The following ESR1 variants were observed in gnomAD, a reference collection of about 807,000 sequenced individuals.
ESR1 encodes the protein estrogen receptor.
A neutral mutation model predicts 52.7 loss-of-function variants in ESR1; 12 were observed. The ratio of observed to expected loss-of-function variants is 0.23; its 90% CI spans 0.15 to 0.37. The LOEUF (loss-of-function observed/expected upper bound fraction) is 0.37. ESR1 is among the 10% of genes least tolerant of loss of function. The pLI, the probability that ESR1 is intolerant of heterozygous loss-of-function variation, is 1.00. For missense variants in ESR1, 584 were observed against 779.7 expected (o/e 0.75, Z 2.99); for synonymous variants, 305 against 316.8 (o/e 0.96, Z 0.39).
chr6:151,899,299 G>A (rs1177776212), intron 3 of ESR1, among the ~76,000 whole-genome samples: 22 of 130,618 alleles, frequency 1.7e-4, no homozygotes, highest in Admixed American at 2.9e-4. Flanking sequence ...CCGGGCGGGG[G>A]GCTGACCCCC....
intron 3 of ESR1, among the ~76,000 whole-genome samples, chr6:151,924,608 C>T (rs946503637): frequency 6.6e-5 from 10 of 151,966 alleles, no homozygotes; most frequent in African/African-American, 2.4e-4. Flanking sequence ...CTCACGTAGG[C>T]CCCAGTGTCT....
chr6:151,804,256 G>T (rs997376789), upstream of ESR1, among the ~76,000 whole-genome samples: 2 of 152,160 alleles, frequency 1.3e-5, no homozygotes, highest in African/African-American at 4.8e-5. Context: ...TGAACTTCTT[G>T]GGCTAACTTT....
intron 5 of ESR1, among the ~76,000 whole-genome samples, chr6:152,038,424 A>G (rs3020350): frequency 0.44 from 66,793 of 151,944 alleles, 16,632 homozygotes; most frequent in African/African-American, 0.67. Flanking sequence ...TTGGCACTCA[A>G]TAATAACCAT....
intron 6 of ESR1, among the ~76,000 whole-genome samples, chr6:152,117,385 C>T (rs973187391): frequency 2.6e-5 from 4 of 152,178 alleles, no homozygotes; most frequent in African/African-American, 9.7e-5. Flanking sequence ...TGTGAATATT[C>T]AGCAGGGAGA....
intron 3 of ESR1, among the ~76,000 whole-genome samples, chr6:151,909,384 G>A (rs142214567): frequency 8.5e-4 from 129 of 152,342 alleles, no homozygotes; most frequent in African/African-American, 3.0e-3. Context: ...GCTGGGTAGA[G>A]AGACTCTAGA....
intron 1 of ESR1, among the ~76,000 whole-genome samples, chr6:151,678,936 C>T (rs1460231053): frequency 2.0e-5 from 3 of 152,118 alleles, no homozygotes; most frequent in African/African-American, 2.4e-5. Context: ...CCACCCGCCT[C>T]GGCCTCCCAA....
At chr6:151,777,041 G>C (rs77784101) in intron 2 of ESR1, among the ~76,000 whole-genome samples, 17,680 of 151,690 alleles carry the variant, frequency 0.12, 1,142 homozygotes, top group Non-Finnish European at 0.13. Flanking sequence ...GTTGATCCAG[G>C]CTTGTGTGGA....
At chr6:151,761,750 G>A (rs1279743553) in intron 2 of ESR1, among the ~76,000 whole-genome samples, 5 of 152,126 alleles carry the variant, frequency 3.3e-5, no homozygotes, top group Admixed American at 6.6e-5. Context: ...TAAATTCTCT[G>A]GATTTCAGTT....
At chr6:151,793,426 A>G (rs1776391214) in intron 2 of ESR1, among the ~76,000 whole-genome samples, 1 of 152,118 alleles carries the variant, frequency 6.6e-6, no homozygotes, top group African/African-American at 2.4e-5. Context: ...ATTTTTTTCT[A>G]GTAGAAGGAG....
chr6:151,662,628 A>C (rs772480122), intron 1 of ESR1, among the ~76,000 whole-genome samples: 1 of 152,176 alleles, frequency 6.6e-6, no homozygotes, highest in Non-Finnish European at 1.5e-5. Context: ...AAGAGAAGAG[A>C]GGACCACAGG....
chr6:151,744,732 A>G (rs1022780825), intron 2 of ESR1, among the ~76,000 whole-genome samples: 3 of 152,270 alleles, frequency 2.0e-5, no homozygotes, highest in East Asian at 1.9e-4. Context: ...AACAGTTTGT[A>G]TATCTTTTCC....
chr6:151,822,925 G>A (rs559800244), intron 1 of ESR1, among the ~76,000 whole-genome samples: 2 of 152,266 alleles, frequency 1.3e-5, no homozygotes, highest in South Asian at 2.1e-4. Context: ...ATGGTTAAAC[G>A]TGTGATGATT....
At chr6:151,896,551 T>A (rs1030298096) in intron 3 of ESR1, among the ~76,000 whole-genome samples, 2 of 152,186 alleles carry the variant, frequency 1.3e-5, no homozygotes, top group African/African-American at 2.4e-5. Context: ...TGTTTCTAAT[T>A]GAGCTTATTT....
Position 152,094,657 on chromosome 6 carries a change from C to A in ESR1, c.1553+89C>A. On this transcript the variant is annotated intron_variant, in intron 7 of 7. Coordinates refer to ENST00000206249, the MANE Select transcript of ESR1 (RefSeq NM_000125.4). This position sits in a 1 kb window ranked among gnomAD's most constrained non-coding sequence, Gnocchi z 4.6. ...ACAGCTGGCCGGGAAGGACTGGTGCCTGCATATGGAGAGTGCACTTGTGAC... is the reference window on the plus strand; with the variant it reads ...ACAGCTGGCCGGGAAGGACTGGTGCATGCATATGGAGAGTGCACTTGTGAC... The A allele has an allele frequency of 8.3e-7, 1 of 1,203,826 alleles. No homozygotes were observed. The highest frequency in any genetic ancestry group is 1.2e-6 in the Non-Finnish European group (1 of 835,770). 74.6% of individuals were successfully genotyped at this position (1,203,826 alleles called of 1,614,324 possible).
At chr6:151,977,750 G>A (rs373380062) in intron 4 of ESR1, among the ~76,000 whole-genome samples, 201 of 151,854 alleles carry the variant, frequency 1.3e-3, no homozygotes, top group African/African-American at 4.4e-3. Context: ...AGCCAAAATC[G>A]CACCACTGCA....
chr6:152,083,127 A>G (rs1023139927), intron 6 of ESR1, among the ~76,000 whole-genome samples: 4 of 152,192 alleles, frequency 2.6e-5, no homozygotes, highest in African/African-American at 9.7e-5. Flanking sequence ...TAAAGCTCAC[A>G]TGGAACCAAA....
intron 1 of ESR1, among the ~76,000 whole-genome samples, chr6:151,697,528 T>C (rs1382864080): frequency 6.6e-6 from 1 of 152,238 alleles, no homozygotes; most frequent in African/African-American, 2.4e-5. Flanking sequence ...TGCTGTTTAC[T>C]TGGAATATTT....
At chr6:151,824,427 G>T (rs1038687036) in intron 1 of ESR1, among the ~76,000 whole-genome samples, 7 of 152,134 alleles carry the variant, frequency 4.6e-5, no homozygotes, top group African/African-American at 1.7e-4. Flanking sequence ...TAGGTTGCCT[G>T]TTCACTCTGA....
chr6:151,659,713 T>G (rs1777574273), intron 1 of ESR1, among the ~76,000 whole-genome samples: 1 of 152,154 alleles, frequency 6.6e-6, no homozygotes, highest in Admixed American at 6.5e-5. Flanking sequence ...GAGCTTCTAT[T>G]CAAAACAACA....
Sources: gnomAD v4.1 joint callset for allele counts (sites outside exome capture counted in the v4.1 genomes callset) on GRCh38, gnomAD v4.1.1 for gene constraint, Gnocchi (gnomAD v3.1) non-coding constraint, MANE v1.5 for transcripts, NCBI Gene and HGNC (gene_info 2026-07-23, HGNC 2026-07-21) for gene names.